Variants in GRM5 observed in about 807,000 individuals in gnomAD.
The protein encoded by GRM5 is glutamate metabotropic receptor 5, also known as metabotropic glutamate receptor 5.
Under a neutral mutation model 83.1 loss-of-function variants are expected in GRM5, and 19 were observed. The observed-to-expected ratio is 0.23, with a 90% CI of 0.16 to 0.34. The LOEUF is 0.34. Ranked by LOEUF, GRM5 falls within the 10% of genes least tolerant of loss-of-function variation. GRM5 has a pLI of 1.00. For missense variants in GRM5, 1,160 were observed against 1,588.3 expected (o/e 0.73, Z 4.58); for synonymous variants, 675 against 633.6 (o/e 1.07, Z -0.98).
intron 2 of GRM5, among the ~76,000 whole-genome samples, chr11:88,902,465 T>C (rs1945328316): frequency 6.6e-6 from 1 of 152,096 alleles, no homozygotes; most frequent in Non-Finnish European, 1.5e-5. Context: ...ATATTGTTAT[T>C]AGGTACTCAA....
At chr11:88,624,457 T>C (rs765265116) in intron 4 of GRM5, among the ~76,000 whole-genome samples, 1 of 152,202 alleles carries the variant, frequency 6.6e-6, no homozygotes, top group Non-Finnish European at 1.5e-5. Flanking sequence ...CTCATGTATG[T>C]ACTCCAAAGA....
At chr11:88,669,142 T>A (rs927353040) in intron 3 of GRM5, among the ~76,000 whole-genome samples, 4 of 152,128 alleles carry the variant, frequency 2.6e-5, no homozygotes. Context: ...ACACCCTAAA[T>A]GTTCACTAGT....
At chr11:88,590,779 A>T in intron 6 of GRM5, 52 bp from the exon 7 acceptor site, 1 of 1,443,128 alleles carries the variant, frequency 6.9e-7, no homozygotes, top group Non-Finnish European at 9.7e-7. Flanking sequence ...TAAAAATCCA[A>T]CAATTCTATA....
chr11:89,013,988 C>A (rs1227436359), intron 2 of GRM5, among the ~76,000 whole-genome samples: 1 of 152,040 alleles, frequency 6.6e-6, no homozygotes. Flanking sequence ...ATCTTTAAGG[C>A]TTATATTTTT....
At chr11:88,918,682 A>T (rs1364946210) in intron 2 of GRM5, among the ~76,000 whole-genome samples, 1 of 152,034 alleles carries the variant, frequency 6.6e-6, no homozygotes, top group Admixed American at 6.6e-5. Context: ...AATAACTCCA[A>T]CAACTTTTAA....
chr11:88,609,330 T>C (rs1318977042), intron 4 of GRM5, among the ~76,000 whole-genome samples: 1 of 152,184 alleles, frequency 6.6e-6, no homozygotes, highest in African/African-American at 2.4e-5. Flanking sequence ...ATGATTTTGT[T>C]TGGCTGTTTA....
At chr11:88,989,906 G>A (rs1337113589) in intron 2 of GRM5, among the ~76,000 whole-genome samples, 1 of 151,772 alleles carries the variant, frequency 6.6e-6, no homozygotes. Context: ...ACAAGAGAAA[G>A]CAGGAAAGAT....
At chr11:88,986,481 TTTCTTTGGAAAGAAGTCTTTGGGAAAA>T in intron 2 of GRM5, among the ~76,000 whole-genome samples, 1 of 152,166 alleles carries the variant, frequency 6.6e-6, no homozygotes, top group Non-Finnish European at 1.5e-5. Flanking sequence ...ATTTGTATAT[TTTCTTTGGAAAGAAGTCTTTGGGAAAA>T]AATGTTTATT....
chr11:88,894,945 C>T (rs1339172437), intron 2 of GRM5, among the ~76,000 whole-genome samples: 1 of 151,926 alleles, frequency 6.6e-6, no homozygotes, highest in Non-Finnish European at 1.5e-5. Context: ...GACTTCCCAG[C>T]CTCCAGCCTG....
At chr11:89,031,875 T>G (rs1565343495) in intron 2 of GRM5, among the ~76,000 whole-genome samples, 1 of 152,012 alleles carries the variant, frequency 6.6e-6, no homozygotes, top group South Asian at 2.1e-4. Context: ...GACACCAGAA[T>G]ATTAGGAGAA....
chr11:89,016,542 A>T (rs990637158), intron 2 of GRM5, among the ~76,000 whole-genome samples: 5 of 152,160 alleles, frequency 3.3e-5, no homozygotes, highest in Non-Finnish European at 7.3e-5. Context: ...TCCTTTATAT[A>T]CACTGTCTGT....
intron 3 of GRM5, among the ~76,000 whole-genome samples, chr11:88,757,111 C>T (rs1286591298): frequency 1.3e-5 from 2 of 151,978 alleles, no homozygotes; most frequent in Non-Finnish European, 2.9e-5. Flanking sequence ...CAGAAATATT[C>T]GAGGCCAGGA....
chr11:88,599,772 G>T (rs1307816665), intron 5 of GRM5, among the ~76,000 whole-genome samples: 1 of 152,122 alleles, frequency 6.6e-6, no homozygotes, highest in Non-Finnish European at 1.5e-5. Context: ...CCAGCACTTT[G>T]GGAGGCTGAG....
At chr11:88,564,976 G>A (rs1942842997) in intron 8 of GRM5, among the ~76,000 whole-genome samples, 1 of 152,084 alleles carries the variant, frequency 6.6e-6, no homozygotes, top group Non-Finnish European at 1.5e-5. Context: ...TAACTTTCAT[G>A]AGTAAAAGAA....
intron 3 of GRM5, among the ~76,000 whole-genome samples, chr11:88,738,548 A>G (rs1302210474): frequency 6.6e-6 from 1 of 152,116 alleles, no homozygotes; most frequent in Non-Finnish European, 1.5e-5. Flanking sequence ...TTAAACATGA[A>G]CAACTATTTC....
intron 2 of GRM5, among the ~76,000 whole-genome samples, chr11:88,979,825 A>G (rs1939468158): frequency 6.6e-6 from 1 of 152,128 alleles, no homozygotes; most frequent in African/African-American, 2.4e-5. Context: ...GAAATCAATG[A>G]GTAACTGAGC....
chr11:88,929,670 C>G (rs1937644249), intron 2 of GRM5, among the ~76,000 whole-genome samples: 1 of 151,866 alleles, frequency 6.6e-6, no homozygotes, highest in Non-Finnish European at 1.5e-5. Flanking sequence ...TCAATGAGAC[C>G]CCCAAATTCT....
intron 7 of GRM5, among the ~76,000 whole-genome samples, chr11:88,573,291 T>A (rs1489272261): frequency 6.6e-6 from 1 of 152,318 alleles, no homozygotes; most frequent in Admixed American, 6.5e-5. Context: ...GAATGGATGA[T>A]CTACTGATTT....
At chr11:88,718,543 G>A (rs1173068394) in intron 3 of GRM5, among the ~76,000 whole-genome samples, 1 of 151,886 alleles carries the variant, frequency 6.6e-6, no homozygotes, top group Non-Finnish European at 1.5e-5. Context: ...ATCAAAAGAG[G>A]AGGAAACATA....
Sources: allele counts gnomAD v4.1 joint callset (sites outside exome capture counted in the v4.1 genomes callset), GRCh38; gene constraint gnomAD v4.1.1; transcripts MANE v1.5; gene names NCBI Gene and HGNC (gene_info 2026-07-23, HGNC 2026-07-21).